ADK: variants seen among roughly 807,000 people sequenced by gnomAD.
ADK encodes N6,N6-dimethyladenosine kinase.
Under a neutral mutation model 44.7 loss-of-function variants are expected in ADK, and 24 were observed. That is an observed-to-expected ratio of 0.54 (90% CI 0.39 to 0.76). The LOEUF is 0.76. ADK is among the 30% of genes least tolerant of loss of function. The probability of loss-of-function intolerance (pLI) is 0.00; values close to 1 mark genes in which losing one functional copy is unlikely to be tolerated. For missense variants in ADK, 321 were observed against 425.1 expected (o/e 0.76, Z 2.15); for synonymous variants, 128 against 142.6 (o/e 0.90, Z 0.73).
chr10:74,484,553 CA>C lies in ADK; in HGVS notation c.556-40701del, dbSNP rs1343368791. Among the ~76,000 whole-genome samples the C allele has an allele frequency of 2.0e-5, 3 of 152,156 alleles. No individual in the cohort carries two copies. In the South Asian group the frequency reaches 6.2e-4, roughly 32 times the overall value. On this transcript the variant is annotated intron_variant, in intron 6 of 10. Coordinates refer to ENST00000539909, the MANE Select transcript of ADK (RefSeq NM_006721.4). ...TTCTCCCTACAGTGAGCCATAGAAT[CA>C]ATGCCTTTCCAACCAAAAAACAAGA...
chr10:74,151,799 C>T (rs542543561), intron 1 of ADK, among the ~76,000 whole-genome samples: 1 of 152,342 alleles, frequency 6.6e-6, no homozygotes, highest in East Asian at 1.9e-4. Context: ...CGTTGACCTT[C>T]CTTTTCGTGC....
At chr10:74,646,084 C>G (rs187832472) in intron 9 of ADK, among the ~76,000 whole-genome samples, 3 of 152,156 alleles carry the variant, frequency 2.0e-5, no homozygotes, top group African/African-American at 7.2e-5. Flanking sequence ...TTTATCAACA[C>G]GAACTTCATC....
chr10:74,613,764 A>T (rs1852641415), intron 9 of ADK, among the ~76,000 whole-genome samples: 1 of 152,118 alleles, frequency 6.6e-6, no homozygotes, highest in Admixed American at 6.6e-5. Context: ...ACTCTAAAGG[A>T]AAACAATCTC....
At chr10:74,332,273 G>T (rs1841244341) in intron 4 of ADK, among the ~76,000 whole-genome samples, 1 of 152,212 alleles carries the variant, frequency 6.6e-6, no homozygotes, top group South Asian at 2.1e-4. Context: ...AATATTAGAT[G>T]AGAGATGTAT....
intron 4 of ADK, among the ~76,000 whole-genome samples, chr10:74,368,220 T>C (rs1479496154): frequency 1.3e-5 from 2 of 152,116 alleles, no homozygotes; most frequent in East Asian, 3.9e-4. Context: ...CTCCTGTGCT[T>C]CTTCTGCCCC....
At chr10:74,583,698 T>TGA (rs1475884196) in intron 7 of ADK, among the ~76,000 whole-genome samples, 2 of 152,222 alleles carry the variant, frequency 1.3e-5, no homozygotes, top group Non-Finnish European at 1.5e-5. Flanking sequence ...TTGAAGTTTT[T>TGA]ATTAACATAA....
At chr10:74,497,160 G>C (rs1847721154) in intron 6 of ADK, among the ~76,000 whole-genome samples, 1 of 152,068 alleles carries the variant, frequency 6.6e-6, no homozygotes, top group African/African-American at 2.4e-5. Context: ...AATTATTTCT[G>C]CTTTGTCCCA....
chr10:74,491,923 C>G (rs1847506123), intron 6 of ADK, among the ~76,000 whole-genome samples: 1 of 151,952 alleles, frequency 6.6e-6, no homozygotes, highest in Admixed American at 6.6e-5. Context: ...TGAATGTGGG[C>G]AAGACAAGTC....
chr10:74,546,254 A>T (rs1849815150), intron 7 of ADK, among the ~76,000 whole-genome samples: 1 of 152,100 alleles, frequency 6.6e-6, no homozygotes, highest in African/African-American at 2.4e-5. Context: ...TGTTGTCACA[A>T]CTCTCTGGAA....
At chr10:74,314,624 C>A in intron 3 of ADK, 43 bp from the exon 4 acceptor site, 1 of 1,376,072 alleles carries the variant, frequency 7.3e-7, no homozygotes, top group Non-Finnish European at 1.0e-6. Context: ...TGTTGCAACT[C>A]ACAGAAGGTA....
chr10:74,437,089 TAATC>T (rs1458487933), intron 6 of ADK, among the ~76,000 whole-genome samples: 3 of 151,846 alleles, frequency 2.0e-5, no homozygotes, highest in Non-Finnish European at 2.9e-5. Flanking sequence ...ATTAACAAAA[TAATC>T]AAAGTGGTCA....
rs188336824 is a variant in ADK, at chr10:74,175,165, G to A, written c.65+23822G>A. On this transcript the variant is annotated intron_variant, in intron 1 of 10. Transcript: ENST00000539909. ...GAAGGCTGAGGCGGGCAGATCGCTT[G>A]AGGCCAGGAGTTTGAGACCAGCCTG... is the stretch of plus-strand genomic sequence containing the variant. 1.1e-4 allele frequency among the ~76,000 whole-genome samples: 17 copies of A among 152,342 alleles called. No homozygotes were observed. In the East Asian group the frequency reaches 2.5e-3, roughly 22 times the overall value.
intron 4 of ADK, among the ~76,000 whole-genome samples, chr10:74,368,299 G>C (rs1248243289): frequency 2.0e-5 from 3 of 152,046 alleles, no homozygotes; most frequent in Admixed American, 1.3e-4. Flanking sequence ...TTTTTGTAGA[G>C]ACAGGGTTTT....
rs1306618634 is a variant in ADK at position 74,655,570 on chromosome 10, A to C, written c.878-14613A>C. 1.6e-4 allele frequency: 79 copies of C among 484,182 alleles called. 1 individual carries two copies. The highest frequency in any genetic ancestry group is 2.3e-4 in the Non-Finnish European group (55 of 242,276). 30.0% of individuals were successfully genotyped at this position (484,182 alleles called of 1,614,324 possible). A position where few individuals can be genotyped will look rare whatever the true frequency, so the allele number is the denominator to read the frequency against. Reference sequence around the variant, plus strand: ...AACCTTGGCTGGCTGGCCCCAAGAAAGAGGTGGGGGTACCTACTGTGAAAC... The same window carrying C: ...AACCTTGGCTGGCTGGCCCCAAGAACGAGGTGGGGGTACCTACTGTGAAAC... On this transcript the variant is annotated intron_variant, in intron 9 of 10. Transcript: ENST00000539909.
intron 9 of ADK, among the ~76,000 whole-genome samples, chr10:74,642,359 A>ATTTTTT (rs59316334): frequency 3.0e-5 from 4 of 134,140 alleles, no homozygotes; most frequent in Non-Finnish European, 6.4e-5. Flanking sequence ...GATGCACTCA[A>ATTTTTT]TTTTTTTTTT....
chr10:74,587,737 G>GTTT (rs201515084), intron 7 of ADK, among the ~76,000 whole-genome samples: 1 of 138,788 alleles, frequency 7.2e-6, no homozygotes, highest in Non-Finnish European at 1.6e-5. Flanking sequence ...GTTGTCTGCA[G>GTTT]TTTTTTTTTT....
At chr10:74,555,020 G>A (rs1850188396) in intron 7 of ADK, among the ~76,000 whole-genome samples, 1 of 152,086 alleles carries the variant, frequency 6.6e-6, no homozygotes, top group African/African-American at 2.4e-5. Context: ...TGTTAGGCTG[G>A]GCACGGTGGC....
At chr10:74,538,697 C>T (rs761237798) in intron 7 of ADK, among the ~76,000 whole-genome samples, 10 of 152,154 alleles carry the variant, frequency 6.6e-5, no homozygotes, top group Non-Finnish European at 1.3e-4. Context: ...TATCTTTTTA[C>T]TAAACCAGAT....
chr10:74,499,805 C>T (rs373980265), intron 6 of ADK, among the ~76,000 whole-genome samples: 40 of 152,284 alleles, frequency 2.6e-4, no homozygotes, highest in African/African-American at 8.4e-4. Context: ...TAATTCAAGA[C>T]GCCTCTGCCA....
Sources: allele counts gnomAD v4.1 joint callset (sites outside exome capture counted in the v4.1 genomes callset), GRCh38; gene constraint gnomAD v4.1.1; transcripts MANE v1.5; gene names NCBI Gene and HGNC (gene_info 2026-07-23, HGNC 2026-07-21).